COL23A1: variants seen among roughly 807,000 people sequenced by gnomAD.
COL23A1 encodes collagen alpha-1(XXIII) chain.
In COL23A1, 97 loss-of-function variants were observed where a neutral mutation model predicts 99.3. The observed-to-expected ratio is 0.98, with a 90% confidence interval of 0.83 to 1.16. The LOEUF (loss-of-function observed/expected upper bound fraction) is 1.16, where lower values mean the gene tolerates loss of function less well. COL23A1 is among the 50% of genes most tolerant of loss of function. The pLI, the probability that COL23A1 is intolerant of heterozygous loss-of-function variation, is 0.00. For synonymous variants in COL23A1, 320 were observed against 308.2 expected (o/e 1.04, Z -0.40); for missense variants, 762 against 757.4 (o/e 1.01, Z -0.07).
intron 2 of COL23A1, among the ~76,000 whole-genome samples, chr5:178,403,727 T>C (rs568385220): frequency 6.6e-6 from 1 of 152,396 alleles, no homozygotes; most frequent in African/African-American, 2.4e-5. Context: ...GCCGCTTCCC[T>C]GTGCACCAAC....
intron 3 of COL23A1, among the ~76,000 whole-genome samples, chr5:178,305,354 C>T (rs1758294228): frequency 6.6e-6 from 1 of 151,812 alleles, no homozygotes; most frequent in Non-Finnish European, 1.5e-5. Context: ...GCGCCCAGCT[C>T]CAGGGAGAAG....
intron 2 of COL23A1, among the ~76,000 whole-genome samples, chr5:178,500,426 A>AC (rs1178683663): frequency 6.7e-6 from 1 of 148,444 alleles, no homozygotes; most frequent in African/African-American, 2.5e-5. Flanking sequence ...CATCTCTACA[A>AC]AAAAAAAAAA....
intron 2 of COL23A1, among the ~76,000 whole-genome samples, chr5:178,547,668 C>A (rs1581611929): frequency 3.9e-5 from 1 of 25,780 alleles, no homozygotes; most frequent in African/African-American, 1.7e-4. Context: ...TACACACCCC[C>A]CACACACCCA....
At chr5:178,425,704 T>C (rs1765892107) in intron 2 of COL23A1, among the ~76,000 whole-genome samples, 1 of 152,190 alleles carries the variant, frequency 6.6e-6, no homozygotes, top group African/African-American at 2.4e-5. Context: ...CCGCGGTGAA[T>C]GGCAGGCCGG....
chr5:178,569,818 G>A (rs576419450), intron 1 of COL23A1, among the ~76,000 whole-genome samples: 6 of 152,196 alleles, frequency 3.9e-5, no homozygotes, highest in African/African-American at 1.4e-4. Flanking sequence ...ACAGTTCCCT[G>A]CCACACAGCC....
At position 178,307,156 on chromosome 5, in the gene COL23A1, C is replaced by T. The variant is rs72819090; in HGVS notation, c.362-237G>A. Among the ~76,000 whole-genome samples the T allele has an allele frequency of 0.089, 13,572 of 152,140 alleles. 637 individuals are homozygous for T. The highest frequency in any genetic ancestry group is 0.15 in the Middle Eastern group (43 of 294). On this transcript the variant is annotated intron_variant, in intron 2 of 28. Transcript: ENST00000390654. The surrounding 1 kb of genome is among the most constrained non-coding windows in gnomAD (Gnocchi z 4.2). ...AGGTGGCCGCATCCCTCATGCCCCA[C>T]GCACCCATTCTGTCATTCAATCATC...
intron 2 of COL23A1, among the ~76,000 whole-genome samples, chr5:178,479,135 T>C (rs919014788): frequency 6.6e-6 from 1 of 152,114 alleles, no homozygotes; most frequent in African/African-American, 2.4e-5. Flanking sequence ...ACCGTGGTAA[T>C]GACAACAGCC....
chr5:178,411,583 G>A (rs1227511301), intron 2 of COL23A1, among the ~76,000 whole-genome samples: 2 of 152,162 alleles, frequency 1.3e-5, no homozygotes, highest in Non-Finnish European at 1.5e-5. Context: ...AATATATAAA[G>A]CCATAGAGAC....
chr5:178,400,272 C>T (rs983995565), intron 2 of COL23A1, among the ~76,000 whole-genome samples: 1 of 141,606 alleles, frequency 7.1e-6, no homozygotes, highest in Non-Finnish European at 1.5e-5. Flanking sequence ...GAGGCTGAGG[C>T]AGGAGAATGG....
Position 178,254,944 on chromosome 5 carries a change from A to G in COL23A1, c.960+5T>C. 6.3e-7 allele frequency: 1 copy of G among 1,588,518 alleles called. No individual in the cohort carries two copies. The highest frequency in any genetic ancestry group is 8.6e-7 in the Non-Finnish European group (1 of 1,160,340). Reference sequence around the variant, plus strand: ...GGCACATCCTGGTCCCACCAGGAACACTACCTTGAGGGCATCCAAGATCCT... The same window carrying G: ...GGCACATCCTGGTCCCACCAGGAACGCTACCTTGAGGGCATCCAAGATCCT... On this transcript the variant is annotated splice_donor_5th_base_variant and intron_variant, in intron 16 of 28. Transcript: ENST00000390654.
rs487734 is a variant in COL23A1, at chr5:178,585,559, T to C, written c.294+4345A>G. On this transcript the variant is annotated intron_variant, in intron 1 of 28. Transcript: ENST00000390654. The stretch of plus-strand genomic sequence containing the variant: ...AGTAACACTCCACAGCCCTGGTTGA[T>C]GCTGGGGGTAACACTCCACAGCCCT... 4.1e-3 allele frequency among the ~76,000 whole-genome samples: 189 copies of C among 45,802 alleles called. 5 individuals carry two copies. Among genetic ancestry groups the C allele is most frequent in the African/African-American group, 0.01 (177 of 17,698 alleles). 30.0% of individuals were successfully genotyped at this position (45,802 alleles called of 152,430 possible).
chr5:178,305,709 G>C (rs1235646567), intron 3 of COL23A1, among the ~76,000 whole-genome samples: 1 of 152,122 alleles, frequency 6.6e-6, no homozygotes, highest in Non-Finnish European at 1.5e-5. Context: ...TCAGAAGGTG[G>C]AGAGCCCTGG....
At chr5:178,323,946 G>A (rs1242593176) in intron 2 of COL23A1, among the ~76,000 whole-genome samples, 1 of 152,204 alleles carries the variant, frequency 6.6e-6, no homozygotes. Context: ...GAGCTGGGAT[G>A]AAAACCCGGA....
rs1385543655 is a variant in COL23A1, at chr5:178,389,669, A to C, written c.362-82750T>G. 2.0e-5 allele frequency among the ~76,000 whole-genome samples: 3 copies of C among 152,132 alleles called. No homozygotes were observed. In the East Asian group the frequency reaches 5.8e-4, roughly 29 times the overall value. On this transcript the variant is annotated intron_variant, in intron 2 of 28. Coordinates refer to ENST00000390654, the MANE Select transcript of COL23A1 (RefSeq NM_173465.4). ...TAATGTGATTCCCATGTGTAGAGTT[A>C]AGTGCCTTTCCCTTCTGTCTGTGGC...
At chr5:178,383,571 C>T (rs1161174007) in intron 2 of COL23A1, among the ~76,000 whole-genome samples, 1 of 152,206 alleles carries the variant, frequency 6.6e-6, no homozygotes, top group African/African-American at 2.4e-5. Context: ...GAAGACTGTC[C>T]CGTTGTTTCT....
intron 2 of COL23A1, among the ~76,000 whole-genome samples, chr5:178,324,309 T>C (rs1317929250): frequency 6.6e-6 from 1 of 152,216 alleles, no homozygotes; most frequent in Non-Finnish European, 1.5e-5. Flanking sequence ...TCCTTTTCTC[T>C]GTCTTTAAAT....
chr5:178,265,771 T>A (rs1240719566), intron 8 of COL23A1: 1 of 926,550 alleles, frequency 1.1e-6, no homozygotes, highest in African/African-American at 1.8e-5. Context: ...AGGAAGGTGA[T>A]CTGAAGAACT....
chr5:178,301,656 T>C (rs1758039852), intron 3 of COL23A1, among the ~76,000 whole-genome samples: 1 of 152,270 alleles, frequency 6.6e-6, no homozygotes. Context: ...GTGTCTTTTT[T>C]GTCATGTGCA....
chr5:178,511,790 C>T (rs1186943385), intron 2 of COL23A1, among the ~76,000 whole-genome samples: 1 of 152,212 alleles, frequency 6.6e-6, no homozygotes, highest in South Asian at 2.1e-4. Flanking sequence ...GACATTGATG[C>T]TTTCCCCACA....
Sources: allele counts gnomAD v4.1 joint callset (sites outside exome capture counted in the v4.1 genomes callset), GRCh38; gene constraint gnomAD v4.1.1; non-coding constraint Gnocchi (gnomAD v3.1); transcripts MANE v1.5; gene names NCBI Gene and HGNC (gene_info 2026-07-23, HGNC 2026-07-21).